Variants in ZC3H14 observed in about 807,000 individuals in gnomAD.
The protein encoded by ZC3H14 is zinc finger CCCH-type containing 14.
ZC3H14 carries 31 observed loss-of-function variants against 92.4 expected under a neutral mutation model. That is an observed-to-expected ratio of 0.34 (90% CI 0.25 to 0.45). The LOEUF (loss-of-function observed/expected upper bound fraction) is 0.45. Ranked by LOEUF, ZC3H14 falls within the 20% of genes least tolerant of loss-of-function variation. ZC3H14 has a pLI of 1.00. For missense variants in ZC3H14, 781 were observed against 897.3 expected, an observed-to-expected ratio of 0.87 and a Z score of 1.66; for synonymous variants, 321 against 300.9, an observed-to-expected ratio of 1.07 and a Z score of -0.69.
intron 6 of ZC3H14, among the ~76,000 whole-genome samples, chr14:88,573,319 G>A (rs1334021357): frequency 6.6e-6 from 1 of 152,002 alleles, no homozygotes; most frequent in African/African-American, 2.4e-5. Context: ...GGCGGAGCTT[G>A]CACTGAGCCA....
intron 12 of ZC3H14, 98 bp from the exon 13 acceptor site, chr14:88,607,145 G>T: frequency 6.4e-7 from 1 of 1,570,230 alleles, no homozygotes; most frequent in South Asian, 1.1e-5. Context: ...ACATTTAACA[G>T]AAGATTCTAA....
In ZC3H14 at chr14:88,626,685, T is replaced by A; in HGVS notation, c.*14934T>A. ...TTCACTCCCTAATTTCTGAAAGAAC[T>A]AGATTTTTGAAAGATGAAATATATG... On this transcript the variant is annotated 3_prime_UTR_variant, in exon 17 of 17. Transcript: ENST00000251038. The A allele has an allele frequency of 5.1e-6, 4 of 781,146 alleles. No homozygotes were observed. Among genetic ancestry groups the A allele is most frequent in the Non-Finnish European group, 7.9e-6 (4 of 504,568 alleles). 48.4% of individuals were successfully genotyped at this position (781,146 alleles called of 1,614,324 possible). A position where few individuals can be genotyped will look rare whatever the true frequency, so the allele number is the denominator to read the frequency against.
chr14:88,569,881 T>C (rs1441326618), intron 3 of ZC3H14, among the ~76,000 whole-genome samples: 1 of 152,214 alleles, frequency 6.6e-6, no homozygotes, highest in Non-Finnish European at 1.5e-5. Context: ...TATGATACAC[T>C]GCTGCCTCAC....
chr14:88,606,934 C>T (rs949196760), intron 12 of ZC3H14, among the ~76,000 whole-genome samples: 5 of 152,004 alleles, frequency 3.3e-5, no homozygotes, highest in Admixed American at 6.6e-5. Flanking sequence ...CCCCACTTGA[C>T]GTCCTTCTCT....
chr14:88,595,074 TGTAAAA>T, intron 9 of ZC3H14: 9 of 1,613,076 alleles, frequency 5.6e-6, no homozygotes, highest in Non-Finnish European at 7.6e-6. Flanking sequence ...GAACTACTGA[TGTAAAA>T]ATAATCGGCT....
Position 88,609,267 on chromosome 14 carries a change from A to G in ZC3H14, c.1869A>G (p.Lys623=). ...CAYHHPISPC[K]AFPNCKFAEK... ...AATATGCTTTTTTTTTGTTTTGTAGAGCCTTCCCCAATTGTAAATTTGCTG... is the reference window on the plus strand; with the variant it reads ...AATATGCTTTTTTTTTGTTTTGTAGGGCCTTCCCCAATTGTAAATTTGCTG... The change falls in exon 14 of 17, where the codon AAA becomes AAG. Residue 623 remains lysine (K), a splice_region_variant and synonymous_variant. Coordinates refer to ENST00000251038, the MANE Select transcript of ZC3H14 (RefSeq NM_024824.5). 6.2e-7 allele frequency: 1 copy of G among 1,613,738 alleles called. No homozygotes were observed. Among genetic ancestry groups the G allele is most frequent in the Admixed American group, 1.7e-5 (1 of 59,992 alleles).
intron 8 of ZC3H14, 76 bp from the exon 9 acceptor site, chr14:88,577,909 A>G (rs1033445852): frequency 1.1e-5 from 17 of 1,575,518 alleles, no homozygotes; most frequent in Middle Eastern, 1.7e-4. Context: ...ATTTATATTT[A>G]ATATGACATA....
In ZC3H14 at chr14:88,615,812, C is replaced by A. The variant is rs954754695; in HGVS notation, c.*4061C>A. ...AAGTTAATTTCTGTAGTCATCTCAG[C>A]ATCTCTCAGTGAGGTGTATGTACAC... On this transcript the variant is annotated 3_prime_UTR_variant, in exon 17 of 17. Coordinates refer to ENST00000251038, the MANE Select transcript of ZC3H14 (RefSeq NM_024824.5). 5 of 1,610,784 alleles carry A rather than the reference C, an allele frequency of 3.1e-6. No individual in the cohort carries two copies. In the South Asian group the frequency reaches 5.6e-5, roughly 18 times the overall value.
intron 3 of ZC3H14, among the ~76,000 whole-genome samples, chr14:88,568,527 T>G (rs1051307230): frequency 1.4e-4 from 21 of 152,158 alleles, no homozygotes; most frequent in African/African-American, 5.1e-4. Flanking sequence ...ACTCGGGAAC[T>G]CACTGTCTCT....
In ZC3H14 at chr14:88,626,959, A is replaced by G. The variant is rs765017810; in HGVS notation, c.*15208A>G. On this transcript the variant is annotated 3_prime_UTR_variant, in exon 17 of 17. Coordinates refer to ENST00000251038, the MANE Select transcript of ZC3H14 (RefSeq NM_024824.5). ...CCAGAACTTCACATGTTTTACTCCC[A>G]CTGAGACAAACTGGGTATCTGAATC... is the stretch of plus-strand genomic sequence containing the variant. 2 of 1,614,000 alleles carry G rather than the reference A, an allele frequency of 1.2e-6. No individual in the cohort carries two copies. Among genetic ancestry groups the G allele is most frequent in the South Asian group, 1.1e-5 (1 of 91,080 alleles).
chr14:88,605,673 T>A (rs909412689), intron 12 of ZC3H14, among the ~76,000 whole-genome samples: 4 of 152,222 alleles, frequency 2.6e-5, no homozygotes, highest in African/African-American at 9.6e-5. Context: ...TAAAGTAGCA[T>A]AGAAAACTGT....
At position 88,623,954 on chromosome 14, in the gene ZC3H14, G is replaced by A. The variant is rs551814218; in HGVS notation, c.*12203G>A. The stretch of plus-strand genomic sequence containing the variant: ...ATTGCTTGTCTGAAAGCATGCCTAT[G>A]TGCATTCTTCCTTTATGTAAAAGGC... On this transcript the variant is annotated 3_prime_UTR_variant, in exon 17 of 17. Transcript: ENST00000251038. 4 of 152,288 alleles carry A rather than the reference G, an allele frequency of 2.6e-5. No homozygotes were observed. The East Asian group carries it at 7.7e-4, about 29-fold the overall frequency. 9.4% of individuals were successfully genotyped at this position (152,288 alleles called of 1,614,324 possible).
intron 4 of ZC3H14, among the ~76,000 whole-genome samples, chr14:88,571,737 G>A (rs1279714815): frequency 7.2e-5 from 11 of 152,152 alleles, no homozygotes; most frequent in Non-Finnish European, 8.8e-5. Flanking sequence ...CAAGGTGGGC[G>A]GATCATGGGC....
In ZC3H14 at chr14:88,622,215, T is replaced by C. The variant is rs2089120273; in HGVS notation, c.*10464T>C. 1 of 175,370 alleles carries C rather than the reference T, an allele frequency of 5.7e-6. No individual in the cohort carries two copies. The allele number at this position is 175,370 out of a possible 1,614,324, so 10.9% of individuals were successfully genotyped here. A position where few individuals can be genotyped will look rare whatever the true frequency, so the allele number is the denominator to read the frequency against. On this transcript the variant is annotated 3_prime_UTR_variant, in exon 17 of 17. Transcript: ENST00000251038. ...CACCAAGAATGACAGAATTTCATTA[T>C]TTTTTATGGCTGAGTAGTATTTCAT...
intron 9 of ZC3H14, among the ~76,000 whole-genome samples, chr14:88,578,708 T>A (rs550695295): frequency 6.6e-6 from 1 of 151,476 alleles, no homozygotes; most frequent in Non-Finnish European, 1.5e-5. Context: ...GCATCCTGTC[T>A]CTGACCTCCC....
At chr14:88,574,146 A>G (rs968630081) in intron 6 of ZC3H14, 2 of 153,114 alleles carry the variant, frequency 1.3e-5, no homozygotes, top group Non-Finnish European at 2.9e-5. Context: ...AGTTTCCTCA[A>G]TAGCACTATA....
intron 10 of ZC3H14, among the ~76,000 whole-genome samples, chr14:88,600,002 G>A (rs1360126684): frequency 1.3e-5 from 2 of 152,142 alleles, no homozygotes; most frequent in East Asian, 3.9e-4. Context: ...TGTCACCTTC[G>A]GTTTTGACTC....
intron 6 of ZC3H14, chr14:88,574,157 T>C (rs1388222252): frequency 6.5e-6 from 1 of 154,012 alleles, no homozygotes; most frequent in Non-Finnish European, 1.4e-5. Flanking sequence ...TAGCACTATA[T>C]GCAGCTGTTG....
At position 88,621,262 on chromosome 14, in the gene ZC3H14, C is replaced by T; in HGVS notation, c.*9511C>T. 6.2e-7 allele frequency: 1 copy of T among 1,613,872 alleles called. No individual in the cohort carries two copies. The highest frequency in any genetic ancestry group is 8.5e-7 in the Non-Finnish European group (1 of 1,179,868). Reference sequence around the variant, plus strand: ...CAAGCTGCATTTTTCTCTCCAACTTCGATTATTTCAGCATTCCTTGTCCCA... The same window carrying T: ...CAAGCTGCATTTTTCTCTCCAACTTTGATTATTTCAGCATTCCTTGTCCCA... On this transcript the variant is annotated 3_prime_UTR_variant, in exon 17 of 17. Coordinates refer to ENST00000251038, the MANE Select transcript of ZC3H14 (RefSeq NM_024824.5).
Sources: allele counts gnomAD v4.1 joint callset (sites outside exome capture counted in the v4.1 genomes callset), GRCh38; gene constraint gnomAD v4.1.1; transcripts MANE v1.5; gene names NCBI Gene and HGNC (gene_info 2026-07-23, HGNC 2026-07-21).